The following NRG1 variants were observed in gnomAD, a reference collection of about 807,000 sequenced individuals.
NRG1 encodes the protein neuregulin 1, also known as pro-neuregulin-1, membrane-bound isoform.
A neutral mutation model predicts 63.8 loss-of-function variants in NRG1; 18 were observed. The ratio of observed to expected loss-of-function variants is 0.28; its 90% CI spans 0.19 to 0.42. The LOEUF (loss-of-function observed/expected upper bound fraction) is 0.42. Among genes scored for constraint, NRG1 ranks in the 10% least tolerant of loss-of-function variants. NRG1 has a pLI of 1.00. For synonymous variants in NRG1, 302 were observed against 301.3 expected, an observed-to-expected ratio of 1.00 and a Z score of -0.02; for missense variants, 762 against 814.7, an observed-to-expected ratio of 0.94 and a Z score of 0.79.
chr8:31,843,415 A>C (rs1009464372), intron 1 of NRG1, among the ~76,000 whole-genome samples: 3 of 152,220 alleles, frequency 2.0e-5, no homozygotes, highest in African/African-American at 7.2e-5. Context: ...ATTTTCAGCT[A>C]ATCTACTGAG....
At chr8:32,678,967 T>C (rs1382767301) in intron 5 of NRG1, among the ~76,000 whole-genome samples, 8 of 151,734 alleles carry the variant, frequency 5.3e-5, no homozygotes, top group Admixed American at 4.6e-4. Context: ...AGGATGTAAG[T>C]TGAAAAATAT....
chr8:32,175,021 A>G (rs1051636698), intron 1 of NRG1, among the ~76,000 whole-genome samples: 2 of 152,222 alleles, frequency 1.3e-5, no homozygotes, highest in Non-Finnish European at 2.9e-5. Context: ...TGGCAGAGAC[A>G]TAACAAATAA....
At chr8:31,728,008 A>G (rs1813625321) in intron 1 of NRG1, among the ~76,000 whole-genome samples, 2 of 152,202 alleles carry the variant, frequency 1.3e-5, no homozygotes, top group Admixed American at 1.3e-4. Context: ...AGGAGGGGGC[A>G]GGACAGAGCG....
chr8:32,184,033 C>A (rs1038775123), intron 1 of NRG1, among the ~76,000 whole-genome samples: 11 of 151,954 alleles, frequency 7.2e-5, no homozygotes, highest in African/African-American at 2.7e-4. Flanking sequence ...GGAAAAATAG[C>A]AATTCCCCAT....
At chr8:32,622,074 A>G (rs1201564782) in intron 5 of NRG1, among the ~76,000 whole-genome samples, 1 of 152,194 alleles carries the variant, frequency 6.6e-6, no homozygotes, top group Non-Finnish European at 1.5e-5. Flanking sequence ...TGGGAAGAGC[A>G]CAAATGCTGA....
In NRG1 at chr8:31,915,655, T is replaced by C. The variant is rs555327232; in HGVS notation, c.37+276224T>C. 1.4e-3 allele frequency among the ~76,000 whole-genome samples: 216 copies of C among 152,266 alleles called. 1 individual carries two copies. The highest frequency in any genetic ancestry group is 6.8e-3 in the Middle Eastern group (2 of 294). On this transcript the variant is annotated intron_variant, in intron 1 of 10. Coordinates refer to the NRG1 transcript ENST00000519301. Reference sequence around the variant, plus strand: ...AAAAAGTACACAGAATTCATCTCTATAAATATATGCTCATTTTATATCCTT... The same window carrying C: ...AAAAAGTACACAGAATTCATCTCTACAAATATATGCTCATTTTATATCCTT...
At chr8:31,713,109 ATTTTTTTT>A (rs11304829) in intron 1 of NRG1, among the ~76,000 whole-genome samples, 16 of 86,078 alleles carry the variant, frequency 1.9e-4, no homozygotes, top group Non-Finnish European at 3.6e-4. Flanking sequence ...ACTCCTTCTA[ATTTTTTTT>A]TTTTTTTTTT....
chr8:31,672,439 A>G (rs1301342634), intron 1 of NRG1, among the ~76,000 whole-genome samples: 1 of 152,174 alleles, frequency 6.6e-6, no homozygotes, highest in East Asian at 1.9e-4. Context: ...GCTATAGACA[A>G]AAGATTCCTG....
At chr8:32,449,891 A>G (rs1488604363) in intron 1 of NRG1, among the ~76,000 whole-genome samples, 3 of 152,204 alleles carry the variant, frequency 2.0e-5, no homozygotes, top group African/African-American at 4.8e-5. Flanking sequence ...GATACAACCT[A>G]TGCAATCGTG....
intron 1 of NRG1, among the ~76,000 whole-genome samples, chr8:32,570,332 G>A (rs1397049800): frequency 6.6e-6 from 1 of 152,044 alleles, no homozygotes; most frequent in East Asian, 1.9e-4. Context: ...TAATTATTAA[G>A]TACCTAATAC....
intron 1 of NRG1, among the ~76,000 whole-genome samples, chr8:31,686,814 G>A (rs1439638981): frequency 3.3e-5 from 5 of 152,028 alleles, no homozygotes; most frequent in Admixed American, 2.0e-4. Flanking sequence ...TGTGGCCCAG[G>A]CTGAAGTGTA....
chr8:32,086,947 G>T (rs943267896), intron 1 of NRG1, among the ~76,000 whole-genome samples: 6 of 152,114 alleles, frequency 3.9e-5, no homozygotes, highest in Admixed American at 3.9e-4. Context: ...GTTCAATATA[G>T]CATTGTTAAC....
At chr8:31,784,507 A>G (rs772203324) in intron 1 of NRG1, among the ~76,000 whole-genome samples, 2 of 152,200 alleles carry the variant, frequency 1.3e-5, no homozygotes, top group Non-Finnish European at 2.9e-5. Context: ...GCCGAGTTTC[A>G]ATGCTTTAAT....
At chr8:32,736,771 G>T (rs577102447) in intron 6 of NRG1, among the ~76,000 whole-genome samples, 1 of 152,066 alleles carries the variant, frequency 6.6e-6, no homozygotes, top group East Asian at 1.9e-4. Flanking sequence ...GCTGAGAAGA[G>T]AAAGGATGTC....
At chr8:31,977,780 A>G (rs1808433715) in intron 1 of NRG1, among the ~76,000 whole-genome samples, 1 of 152,114 alleles carries the variant, frequency 6.6e-6, no homozygotes, top group South Asian at 2.1e-4. Flanking sequence ...TATTCATCTC[A>G]AAGAGTTTGA....
At chr8:32,338,914 G>A (rs2129478154) in intron 1 of NRG1, among the ~76,000 whole-genome samples, 1 of 152,192 alleles carries the variant, frequency 6.6e-6, no homozygotes, top group East Asian at 1.9e-4. Context: ...GAGCCCTGGG[G>A]AACTCAATCC....
chr8:31,689,103 C>G (rs114597750), intron 1 of NRG1, among the ~76,000 whole-genome samples: 106 of 152,322 alleles, frequency 7.0e-4, no homozygotes, highest in African/African-American at 2.5e-3. Context: ...CTTCAAGAAT[C>G]CTTGTAATTT....
intron 2 of NRG1, among the ~76,000 whole-genome samples, chr8:32,598,584 T>C (rs1200640433): frequency 1.3e-5 from 2 of 152,082 alleles, no homozygotes; most frequent in Non-Finnish European, 2.9e-5. Flanking sequence ...AGTTAGAAAT[T>C]ACTTCTTTTA....
intron 1 of NRG1, among the ~76,000 whole-genome samples, chr8:31,910,987 G>A (rs560921319): frequency 6.6e-6 from 1 of 152,240 alleles, no homozygotes; most frequent in South Asian, 2.1e-4. Context: ...TTTCTTCACT[G>A]ATTTCTGACA....
Sources: allele counts gnomAD v4.1 joint callset (sites outside exome capture counted in the v4.1 genomes callset), GRCh38; gene constraint gnomAD v4.1.1; transcripts MANE v1.5; gene names NCBI Gene and HGNC (gene_info 2026-07-23, HGNC 2026-07-21).